CAST: variants seen among roughly 807,000 people sequenced by gnomAD.
CAST encodes the protein calpastatin.
In CAST, 76 loss-of-function variants were observed where a neutral mutation model predicts 119.6. The ratio of observed to expected loss-of-function variants is 0.64; its 90% CI spans 0.53 to 0.77. The LOEUF is 0.77. Among genes scored for constraint, CAST ranks in the 30% least tolerant of loss-of-function variants. The pLI is 0.00. For missense variants in CAST, 953 were observed against 946.5 expected (o/e 1.01, Z -0.09); for synonymous variants, 319 against 331.6 (o/e 0.96, Z 0.41).
chr5:96,014,286 G>A, the CAST span, among the ~76,000 whole-genome samples: 2 of 151,830 alleles, frequency 1.3e-5, no homozygotes, highest in Non-Finnish European at 2.9e-5. Flanking sequence ...AAGGTTATCA[G>A]GGGCAGTAAC....
the CAST span, among the ~76,000 whole-genome samples, chr5:96,307,959 T>C: frequency 6.6e-6 from 1 of 152,196 alleles, no homozygotes; most frequent in Admixed American, 6.5e-5. Flanking sequence ...AGAGTATCTT[T>C]GTGGTGTTCT....
At chr5:96,384,217 A>G in the CAST span, among the ~76,000 whole-genome samples, 2 of 152,144 alleles carry the variant, frequency 1.3e-5, no homozygotes, top group Non-Finnish European at 2.9e-5. Context: ...ATTGGGTAGA[A>G]AATTAGATAA....
chr5:96,390,225 C>T, the CAST span, among the ~76,000 whole-genome samples: 1 of 152,168 alleles, frequency 6.6e-6, no homozygotes, highest in East Asian at 1.9e-4. Context: ...CTTAAATTGA[C>T]TCCAAGAAAG....
At chr5:96,587,511 G>A (rs946107919) in intron 1 of CAST, among the ~76,000 whole-genome samples, 1 of 152,194 alleles carries the variant, frequency 6.6e-6, no homozygotes, top group Non-Finnish European at 1.5e-5. Context: ...TATCATCTTT[G>A]TGATGAGAGG....
the CAST span, among the ~76,000 whole-genome samples, chr5:96,236,281 C>T: frequency 6.6e-6 from 1 of 152,172 alleles, no homozygotes; most frequent in African/African-American, 2.4e-5. Flanking sequence ...TTCAGTGATG[C>T]ATCCAGGAAA....
the CAST span, among the ~76,000 whole-genome samples, chr5:96,095,363 C>T: frequency 2.0e-5 from 3 of 151,488 alleles, no homozygotes; most frequent in East Asian, 1.9e-4. Context: ...GTGAGAGGAT[C>T]GCTGGAGGCC....
the CAST span, among the ~76,000 whole-genome samples, chr5:96,130,419 T>A: frequency 6.7e-6 from 1 of 149,130 alleles, no homozygotes; most frequent in African/African-American, 2.5e-5. Context: ...GTCTCCTGGA[T>A]GGTACTCAGG....
At chr5:96,702,483 T>TTTA (rs1353486704) in intron 3 of CAST, among the ~76,000 whole-genome samples, 4 of 152,246 alleles carry the variant, frequency 2.6e-5, no homozygotes, top group Admixed American at 2.6e-4. Flanking sequence ...ACTAATCCAC[T>TTTA]TTATAGTTTC....
the CAST span, among the ~76,000 whole-genome samples, chr5:96,362,146 C>T: frequency 6.6e-6 from 1 of 152,022 alleles, no homozygotes; most frequent in Non-Finnish European, 1.5e-5. Flanking sequence ...ATCCATGTCC[C>T]TACAAAGGAC....
chr5:96,388,421 G>A, the CAST span, among the ~76,000 whole-genome samples: 3 of 152,186 alleles, frequency 2.0e-5, no homozygotes, highest in African/African-American at 7.2e-5. Flanking sequence ...AGGGGCAGTA[G>A]CTCCTGGGGC....
chr5:96,355,466 G>A, the CAST span, among the ~76,000 whole-genome samples: 1 of 152,094 alleles, frequency 6.6e-6, no homozygotes, highest in Non-Finnish European at 1.5e-5. Context: ...CTTTGCTATT[G>A]TGAACAGTGC....
At chr5:96,353,490 C>T in the CAST span, among the ~76,000 whole-genome samples, 3 of 152,124 alleles carry the variant, frequency 2.0e-5, no homozygotes, top group African/African-American at 7.2e-5. Context: ...TGGGTGTGCA[C>T]ATGAGGGTGT....
At chr5:96,148,099 GGACTCTTTGGTCATGA>G in the CAST span, among the ~76,000 whole-genome samples, 1 of 152,086 alleles carries the variant, frequency 6.6e-6, no homozygotes, top group Non-Finnish European at 1.5e-5. Context: ...GGTCACACAG[GGACTCTTTGGTCATGA>G]GAAAATAGTT....
intron 1 of CAST, among the ~76,000 whole-genome samples, chr5:96,566,366 C>T (rs1335082524): frequency 6.6e-6 from 1 of 152,044 alleles, no homozygotes; most frequent in Non-Finnish European, 1.5e-5. Flanking sequence ...CAGATGGGTC[C>T]CAAAAGCAAA....
At chr5:95,994,217 C>G in the CAST span, among the ~76,000 whole-genome samples, 1 of 152,140 alleles carries the variant, frequency 6.6e-6, no homozygotes, top group African/African-American at 2.4e-5. Flanking sequence ...AGTTGTGTGT[C>G]AGTGTTTATA....
intron 1 of CAST, among the ~76,000 whole-genome samples, chr5:96,648,476 C>G (rs1748049884): frequency 1.3e-5 from 2 of 152,028 alleles, no homozygotes; most frequent in South Asian, 4.1e-4. Context: ...AGTTTCAGCA[C>G]TTGAATTAAT....
the CAST span, among the ~76,000 whole-genome samples, chr5:96,250,402 A>C: frequency 6.6e-6 from 1 of 152,112 alleles, no homozygotes; most frequent in African/African-American, 2.4e-5. Context: ...CAGGCTCTGA[A>C]GGTGACTGTT....
At chr5:95,978,886 G>A in the CAST span, among the ~76,000 whole-genome samples, 77 of 152,290 alleles carry the variant, frequency 5.1e-4, no homozygotes, top group African/African-American at 1.8e-3. Flanking sequence ...TTTAAAGTCT[G>A]ATGAGTTGCA....
the CAST span, among the ~76,000 whole-genome samples, chr5:95,993,119 C>T: frequency 1.6e-4 from 25 of 152,212 alleles, no homozygotes; most frequent in African/African-American, 5.3e-4. Context: ...TAGAGCTTTA[C>T]TTATATGATC....
Sources: gnomAD v4.1 joint callset for allele counts (sites outside exome capture counted in the v4.1 genomes callset) on GRCh38, gnomAD v4.1.1 for gene constraint, MANE v1.5 for transcripts, NCBI Gene and HGNC (gene_info 2026-07-23, HGNC 2026-07-21) for gene names.